Variants in NKAIN2 observed in about 807,000 individuals in gnomAD.
NKAIN2 encodes sodium/potassium transporting ATPase interacting 2, also known as sodium/potassium-transporting ATPase subunit beta-1-interacting protein 2.
Under a neutral mutation model 32.6 loss-of-function variants are expected in NKAIN2, and 14 were observed. The ratio of observed to expected loss-of-function variants is 0.43; its 90% CI spans 0.28 to 0.67. NKAIN2 has a LOEUF of 0.67. Ranked by LOEUF, NKAIN2 falls within the 30% of genes least tolerant of loss-of-function variation. The pLI is 0.17. For synonymous variants in NKAIN2, 80 were observed against 87.2 expected, an observed-to-expected ratio of 0.92 and a Z score of 0.46; for missense variants, 198 against 258.3, an observed-to-expected ratio of 0.77 and a Z score of 1.60.
intron 3 of NKAIN2, among the ~76,000 whole-genome samples, chr6:124,357,815 G>T (rs1001317882): frequency 9.5e-5 from 13 of 136,382 alleles, no homozygotes; most frequent in Non-Finnish European, 2.1e-4. Flanking sequence ...TAGGGTACAT[G>T]TGCACAACGT....
At chr6:124,761,037 C>T (rs1778240266) in intron 4 of NKAIN2, among the ~76,000 whole-genome samples, 1 of 152,166 alleles carries the variant, frequency 6.6e-6, no homozygotes, top group Non-Finnish European at 1.5e-5. Context: ...AATTCCTTCT[C>T]TCATGTCTGC....
chr6:123,864,897 A>G (rs1006439582), intron 1 of NKAIN2, among the ~76,000 whole-genome samples: 1 of 152,180 alleles, frequency 6.6e-6, no homozygotes, highest in East Asian at 1.9e-4. Context: ...ATCAAGCTTT[A>G]ATCATTAAAA....
At chr6:124,662,715 T>C (rs1210883583) in intron 4 of NKAIN2, among the ~76,000 whole-genome samples, 1 of 152,214 alleles carries the variant, frequency 6.6e-6, no homozygotes, top group Admixed American at 6.5e-5. Flanking sequence ...CAAGTGGACT[T>C]GAGGTTGTGT....
intron 1 of NKAIN2, among the ~76,000 whole-genome samples, chr6:124,224,362 C>A (rs1791997630): frequency 6.6e-6 from 1 of 152,108 alleles, no homozygotes; most frequent in Non-Finnish European, 1.5e-5. Flanking sequence ...TTAATTACTT[C>A]AAATGAATAA....
chr6:124,456,984 C>T (rs758460684), intron 3 of NKAIN2, among the ~76,000 whole-genome samples: 2 of 151,776 alleles, frequency 1.3e-5, no homozygotes, highest in African/African-American at 2.4e-5. Context: ...ATATTTAAAG[C>T]GTTTAGAAAG....
intron 3 of NKAIN2, among the ~76,000 whole-genome samples, chr6:124,551,542 C>T (rs1780286367): frequency 6.6e-6 from 1 of 151,988 alleles, no homozygotes; most frequent in Admixed American, 6.6e-5. Flanking sequence ...AAGGTGGGAA[C>T]ATCTGATAAT....
intron 1 of NKAIN2, among the ~76,000 whole-genome samples, chr6:123,970,543 G>A (rs542507048): frequency 9.2e-5 from 14 of 152,262 alleles, no homozygotes; most frequent in African/African-American, 2.6e-4. Context: ...TGACTTGAAA[G>A]ATGAGGATTT....
At position 123,849,963 on chromosome 6, in the gene NKAIN2, TTTGTTTG is replaced by T. The variant is rs754141413; in HGVS notation, c.54+45712_54+45718del. ...AACTCAGGCTGGTTTTTTTTTTTTG[TTTGTTTG>T]TTTTTTTTTTAACTTTCTGTGGAGA... is the stretch of plus-strand genomic sequence containing the variant. On this transcript the variant is annotated intron_variant, in intron 1 of 6. Coordinates refer to ENST00000368417, the MANE Select transcript of NKAIN2 (RefSeq NM_001040214.3). 8.8e-4 allele frequency among the ~76,000 whole-genome samples: 13 copies of T among 14,850 alleles called. 1 individual carries two copies. Among genetic ancestry groups the T allele is most frequent in the Non-Finnish European group, 5.1e-3 (4 of 790 alleles). 9.7% of individuals were successfully genotyped at this position (14,850 alleles called of 152,430 possible). A position where few individuals can be genotyped will look rare whatever the true frequency, so the allele number is the denominator to read the frequency against.
intron 4 of NKAIN2, among the ~76,000 whole-genome samples, chr6:124,705,940 C>G (rs374755773): frequency 1.3e-5 from 2 of 152,118 alleles, no homozygotes; most frequent in East Asian, 3.9e-4. Flanking sequence ...AATTGAGGGA[C>G]CCACAAATCC....
At chr6:124,233,357 G>C (rs545751273) in intron 1 of NKAIN2, among the ~76,000 whole-genome samples, 1 of 152,128 alleles carries the variant, frequency 6.6e-6, no homozygotes, top group Admixed American at 6.6e-5. Context: ...GCCATTGCTT[G>C]CCCCTTTAGC....
intron 3 of NKAIN2, among the ~76,000 whole-genome samples, chr6:124,487,379 A>G (rs910478228): frequency 4.6e-5 from 7 of 152,188 alleles, no homozygotes; most frequent in African/African-American, 1.4e-4. Flanking sequence ...AAGTCGCTTT[A>G]TAGAAAATTT....
rs1582585508 is a variant in NKAIN2, at chr6:124,823,103, CTTCT to C, written c.618-114_618-111del. ...TTATCTATTTAAAACCCAATTTGGG[CTTCT>C]TTTTTGTTTGTTTGTTTGTTTGCTC... On this transcript the variant is annotated intron_variant, in intron 6 of 6. Coordinates refer to ENST00000368417, the MANE Select transcript of NKAIN2 (RefSeq NM_001040214.3). The C allele has an allele frequency of 3.8e-6, 3 of 793,904 alleles. No homozygotes were observed. In the East Asian group the frequency reaches 7.3e-5, roughly 19 times the overall value. The allele number at this position is 793,904 out of a possible 1,614,324, so 49.2% of individuals were successfully genotyped here.
chr6:124,223,069 C>T (rs369009497), intron 1 of NKAIN2, among the ~76,000 whole-genome samples: 2 of 151,688 alleles, frequency 1.3e-5, no homozygotes, highest in African/African-American at 2.4e-5. Context: ...AAAAATTAGC[C>T]GGGCATGGTG....
chr6:124,815,242 G>GTATACATGTATA (rs1562400498), intron 5 of NKAIN2, among the ~76,000 whole-genome samples: 2 of 62,262 alleles, frequency 3.2e-5, no homozygotes, highest in African/African-American at 8.4e-5. Context: ...ATATATATAT[G>GTATACATGTATA]TATATATGTA....
chr6:123,818,516 C>T (rs1773794247), intron 1 of NKAIN2, among the ~76,000 whole-genome samples: 1 of 152,096 alleles, frequency 6.6e-6, no homozygotes, highest in African/African-American at 2.4e-5. Context: ...TATCCTAATT[C>T]ACCAGAAGGC....
chr6:123,849,890 T>G (rs1327713042), intron 1 of NKAIN2, among the ~76,000 whole-genome samples: 2 of 151,908 alleles, frequency 1.3e-5, no homozygotes, highest in African/African-American at 4.8e-5. Context: ...TTATTATTAT[T>G]TACAATTTTC....
intron 3 of NKAIN2, among the ~76,000 whole-genome samples, chr6:124,654,340 TATAA>T (rs1428949134): frequency 7.2e-5 from 11 of 152,110 alleles, no homozygotes; most frequent in Admixed American, 4.6e-4. Context: ...ATAGAAAGCA[TATAA>T]ATAAATGTAT....
chr6:124,387,825 G>A (rs1037431656), intron 3 of NKAIN2, among the ~76,000 whole-genome samples: 1 of 152,072 alleles, frequency 6.6e-6, no homozygotes, highest in Non-Finnish European at 1.5e-5. Flanking sequence ...GGCCCAGTCT[G>A]AGACCTAATT....
At chr6:124,673,548 T>G (rs920271200) in intron 4 of NKAIN2, among the ~76,000 whole-genome samples, 1 of 152,028 alleles carries the variant, frequency 6.6e-6, no homozygotes, top group Non-Finnish European at 1.5e-5. Flanking sequence ...TATTTTCTGT[T>G]TGGTTGTTGT....
Sources: allele counts gnomAD v4.1 joint callset (sites outside exome capture counted in the v4.1 genomes callset), GRCh38; gene constraint gnomAD v4.1.1; transcripts MANE v1.5; gene names NCBI Gene and HGNC (gene_info 2026-07-23, HGNC 2026-07-21).